COQ8B: variants seen among roughly 807,000 people sequenced by gnomAD.
COQ8B encodes coenzyme Q8B, also known as atypical kinase COQ8B, mitochondrial.
COQ8B carries 44 observed loss-of-function variants against 62.0 expected under a neutral mutation model. The observed-to-expected ratio is 0.71, with a 90% CI of 0.56 to 0.91. COQ8B has a LOEUF of 0.91. Among genes scored for constraint, COQ8B ranks in the 40% least tolerant of loss-of-function variants. COQ8B has a pLI of 0.00. For missense variants in COQ8B, 649 were observed against 731.6 expected (o/e 0.89, Z 1.30); for synonymous variants, 252 against 289.9 (o/e 0.87, Z 1.33).
At position 40,696,145 on chromosome 19, in the gene COQ8B, G is replaced by A. The variant is rs928488234; in HGVS notation, c.1144-91C>T. On this transcript the variant is annotated intron_variant, in intron 12 of 14. Transcript: ENST00000324464. ...AGCCAGGATCTGTCTCCCTCCCCATGACCCTGCCTGCTCCTGCCAGAGTCC... is the reference window on the plus strand; with the variant it reads ...AGCCAGGATCTGTCTCCCTCCCCATAACCCTGCCTGCTCCTGCCAGAGTCC... 9 of 1,399,518 alleles carry A rather than the reference G, an allele frequency of 6.4e-6. No homozygotes were observed. The Admixed American group carries it at 1.5e-4, about 24-fold the overall frequency. The allele number at this position is 1,399,518 out of a possible 1,614,324, so 86.7% of individuals were successfully genotyped here.
At chr19:40,711,277 G>A (rs1322513820) in intron 4 of COQ8B, among the ~76,000 whole-genome samples, 1 of 152,040 alleles carries the variant, frequency 6.6e-6, no homozygotes, top group Non-Finnish European at 1.5e-5. Flanking sequence ...TGTCGCCCAG[G>A]CTGGAGTGCA....
chr19:40,714,972 T>A, intron 1 of COQ8B: 3 of 1,046,156 alleles, frequency 2.9e-6, no homozygotes, highest in Non-Finnish European at 2.3e-6. Flanking sequence ...CTGTTGGCCC[T>A]GTAGGCACCC....
rs2082077547 is a variant in COQ8B, at chr19:40,703,522, G to A, written c.799+19C>T. The A allele has an allele frequency of 6.3e-7, 1 of 1,589,482 alleles. No homozygotes were observed. The highest frequency in any genetic ancestry group is 8.6e-7 in the Non-Finnish European group (1 of 1,166,206). ...TAGCCCCTTTGGGAGGTCAGCAGAG[G>A]AGTGGGTGGGCGCCTCACCCGCGGG... On this transcript the variant is annotated intron_variant, in intron 9 of 14. Coordinates refer to ENST00000324464, the MANE Select transcript of COQ8B (RefSeq NM_024876.4).
chr19:40,697,849 TATAG>T (rs1207925385), intron 12 of COQ8B, among the ~76,000 whole-genome samples: 7 of 60,708 alleles, frequency 1.2e-4, no homozygotes, highest in African/African-American at 3.2e-4. Flanking sequence ...TATATATATA[TATAG>T]AGAGAGAGAG....
At chr19:40,692,886 T>C in intron 14 of COQ8B, 65 bp downstream of exon 14, 1 of 1,441,998 alleles carries the variant, frequency 6.9e-7, no homozygotes, top group Middle Eastern at 1.8e-4. Context: ...TCAGTGGAGA[T>C]AAGCAGCCCC....
intron 5 of COQ8B, among the ~76,000 whole-genome samples, chr19:40,708,884 C>T (rs941635144): frequency 2.6e-5 from 4 of 151,608 alleles, no homozygotes; most frequent in African/African-American, 7.3e-5. Context: ...GAGCCATGAT[C>T]GTACCATTGC....
At chr19:40,702,136 G>A (rs140485373) in intron 10 of COQ8B, among the ~76,000 whole-genome samples, 105 of 152,262 alleles carry the variant, frequency 6.9e-4, no homozygotes, top group African/African-American at 8.9e-4. Flanking sequence ...GAGGGCAATC[G>A]TTGGCTTGCA....
At position 40,692,392 on chromosome 19, in the gene COQ8B, G is replaced by A; in HGVS notation, c.1297-19C>T. 1 of 1,607,790 alleles carries A rather than the reference G, an allele frequency of 6.2e-7. No individual in the cohort carries two copies. The highest frequency in any genetic ancestry group is 1.1e-5 in the South Asian group (1 of 90,730). On this transcript the variant is annotated intron_variant, in intron 14 of 14. Transcript: ENST00000324464. ...AGAATGCCTGGGAGTGGGGGTGGGGGGAGAGCAAAGGCAGCCAGTGTGGAC... is the reference window on the plus strand; with the variant it reads ...AGAATGCCTGGGAGTGGGGGTGGGGAGAGAGCAAAGGCAGCCAGTGTGGAC...
intron 12 of COQ8B, among the ~76,000 whole-genome samples, chr19:40,698,231 A>G (rs1439868267): frequency 1.3e-5 from 2 of 150,652 alleles, no homozygotes; most frequent in East Asian, 3.9e-4. Flanking sequence ...AAAAAAAAGA[A>G]AAGTGTCCCA....
At chr19:40,711,213 A>ACCT (rs1247459326) in intron 4 of COQ8B, among the ~76,000 whole-genome samples, 2 of 148,832 alleles carry the variant, frequency 1.3e-5, no homozygotes, top group African/African-American at 2.5e-5. Context: ...CTCTGTCCAC[A>ACCT]CCTCCTCTTC....
At chr19:40,702,563 G>GGGAGGGAA (rs759633577) in intron 10 of COQ8B, 37 bp downstream of exon 10, 6 of 1,604,826 alleles carry the variant, frequency 3.7e-6, no homozygotes, top group African/African-American at 2.7e-5. Flanking sequence ...CAGCCTGGGA[G>GGGAGGGAA]GGAGGGAAGG....
At position 40,697,622 on chromosome 19, in the gene COQ8B, C is replaced by A. The variant is rs537822722; in HGVS notation, c.1144-1568G>T. 2.6e-4 allele frequency among the ~76,000 whole-genome samples: 39 copies of A among 151,034 alleles called. No individual in the cohort carries two copies. In the East Asian group the frequency reaches 6.9e-3, roughly 27 times the overall value. ...GATCAGACTGGCCAACATGGTGAAA[C>A]CCCACCTATACTAAAAATACAAAAT... On this transcript the variant is annotated intron_variant, in intron 12 of 14. Coordinates refer to ENST00000324464, the MANE Select transcript of COQ8B (RefSeq NM_024876.4).
At chr19:40,692,715 C>T (rs374605758) in intron 14 of COQ8B, among the ~76,000 whole-genome samples, 3 of 151,942 alleles carry the variant, frequency 2.0e-5, no homozygotes, top group Admixed American at 6.5e-5. Flanking sequence ...CACCTCCCCC[C>T]ACTCCTCCCC....
At chr19:40,696,146 A>T (rs937182388) in intron 12 of COQ8B, 92 bp from the exon 13 acceptor site, 1 of 1,402,066 alleles carries the variant, frequency 7.1e-7, no homozygotes, top group Non-Finnish European at 1.0e-6. Context: ...CCTCCCCATG[A>T]CCCTGCCTGC....
rs2082090387 is a variant in COQ8B, at chr19:40,705,148, A to C, written c.524T>G (p.Ile175Ser). 2 of 1,613,388 alleles carry C rather than the reference A, an allele frequency of 1.2e-6. No individual in the cohort carries two copies. Among genetic ancestry groups the C allele is most frequent in the African/African-American group, 2.7e-5 (2 of 74,924 alleles). ...NSFISPQLQH[I>S]FERVRQSADF... is the part of the protein sequence containing the mutation. ...GGCGCTCTGGCGGACCCGCTCAAAG[A>C]TGTGCTGCAGCTGAGGGCTGATGAA... is the stretch of plus-strand genomic sequence containing the variant. Residue 175 changes from isoleucine (I) to serine (S), a missense_variant, in exon 7 of 15, where the codon ATC becomes AGC. Coordinates refer to ENST00000324464, the MANE Select transcript of COQ8B (RefSeq NM_024876.4).
chr19:40,692,835 G>A, intron 14 of COQ8B, 116 bp downstream of exon 14: 1 of 841,780 alleles, frequency 1.2e-6, no homozygotes, highest in South Asian at 1.7e-5. Flanking sequence ...GAGTCCCCCA[G>A]TCCCCGGGTA....
At chr19:40,714,026 C>G (rs1407363513) in intron 4 of COQ8B, 41 bp downstream of exon 4, 3 of 1,604,832 alleles carry the variant, frequency 1.9e-6, no homozygotes, top group Admixed American at 1.7e-5. Context: ...GTTGCCCTTT[C>G]TAATTGAGGT....
intron 1 of COQ8B, chr19:40,715,634 C>T: frequency 1.0e-6 from 1 of 983,872 alleles, no homozygotes. Flanking sequence ...CTCTCGTGTA[C>T]ATACCCTCCC....
At chr19:40,702,518 G>A in intron 10 of COQ8B, 82 bp downstream of exon 10, 1 of 1,336,784 alleles carries the variant, frequency 7.5e-7, no homozygotes, top group Non-Finnish European at 1.1e-6. Flanking sequence ...CACAGCTCCA[G>A]CTGCCAGAAG....
Sources: allele counts gnomAD v4.1 joint callset (sites outside exome capture counted in the v4.1 genomes callset), GRCh38; gene constraint gnomAD v4.1.1; transcripts MANE v1.5; gene names NCBI Gene and HGNC (gene_info 2026-07-23, HGNC 2026-07-21).